Variants in MAST3 observed in about 807,000 individuals in gnomAD.
MAST3 encodes the protein microtubule-associated serine/threonine-protein kinase 3.
In MAST3, 43 loss-of-function variants were observed where a neutral mutation model predicts 127.0. The observed-to-expected ratio is 0.34, with a 90% CI of 0.27 to 0.44. MAST3 has a LOEUF of 0.44. MAST3 is among the 20% of genes least tolerant of loss of function. MAST3 has a pLI of 1.00. For synonymous variants in MAST3, 785 were observed against 809.2 expected (o/e 0.97, Z 0.51); for missense variants, 1,390 against 1,919.1 (o/e 0.72, Z 5.15).
In MAST3 at chr19:18,099,015, A is replaced by G. The variant is rs1425976230; in HGVS notation, c.39+1184A>G. The G allele has an allele frequency of 2.8e-5, 9 of 317,178 alleles. No homozygotes were observed. The Admixed American group carries it at 3.5e-4, about 12-fold the overall frequency. The allele number at this position is 317,178 out of a possible 1,614,324, so 19.6% of individuals were successfully genotyped here. A position where few individuals can be genotyped will look rare whatever the true frequency, so the allele number is the denominator to read the frequency against. ...GCGAGGCATTGCAGCGGGGGGCGGT[A>G]TTTAGGGAAATGAAAGAGGTTGACA... is the stretch of plus-strand genomic sequence containing the variant. On this transcript the variant is annotated intron_variant, in intron 1 of 27. Transcript: ENST00000687212.
At chr19:18,134,781 G>C (rs1374681270) in intron 16 of MAST3, 36 bp from the exon 17 acceptor site, 3 of 1,613,610 alleles carry the variant, frequency 1.9e-6, no homozygotes, top group African/African-American at 2.7e-5. Flanking sequence ...CTTGGGCTGG[G>C]GGCTGGCCTC....
intron 1 of MAST3, among the ~76,000 whole-genome samples, chr19:18,101,778 A>G (rs1256930550): frequency 6.7e-6 from 1 of 149,704 alleles, no homozygotes; most frequent in Non-Finnish European, 1.5e-5. Flanking sequence ...CAGCCTCCTG[A>G]GTAGCTGGAT....
chr19:18,144,005 C>T lies in MAST3; in HGVS notation c.2582C>T (p.Ser861Phe). ...GTGATGCCCAAGCCCTCGAGCCTTT[C>T]TGGTAAGTGGGGCCCTGAGTAAGAG... ...TPVMPKPSSLSADTAALSHAR... is the reference protein window; with the variant it reads ...TPVMPKPSSLFADTAALSHAR... The change falls in exon 22 of 28, where the codon TCT becomes TTT. Residue 861 changes from serine to phenylalanine, a missense_variant and splice_region_variant. Physicochemically the swap from Ser to Phe is radical, Grantham distance 155. Coordinates refer to ENST00000687212, the MANE Select transcript of MAST3 (RefSeq NM_001393504.1). This position sits in a 1 kb window ranked among gnomAD's most constrained non-coding sequence, Gnocchi z 4.0. 1 of 1,561,098 alleles carries T rather than the reference C, an allele frequency of 6.4e-7. No homozygotes were observed.
At chr19:18,106,176 C>T (rs2038056071) in intron 1 of MAST3, among the ~76,000 whole-genome samples, 1 of 152,166 alleles carries the variant, frequency 6.6e-6, no homozygotes, top group African/African-American at 2.4e-5. Flanking sequence ...CAACCTCCAA[C>T]TCCTGGGGTC....
At chr19:18,115,192 G>GAGAA (rs2039084429) in intron 3 of MAST3, among the ~76,000 whole-genome samples, 1 of 152,158 alleles carries the variant, frequency 6.6e-6, no homozygotes, top group African/African-American at 2.4e-5. Context: ...CCAGAGATCA[G>GAGAA]TGGCTCAGCC....
At position 18,134,930 on chromosome 19, in the gene MAST3, C is replaced by G; in HGVS notation, c.1818C>G (p.Cys606Trp). ...GVVLYEFLVG[C>W]VPFFGDTPEE... is the part of the protein sequence containing the mutation. ...TCCTCTATGAGTTTCTGGTGGGCTG[C>G]GTGCCTTTCTTTGGAGATACCCCCG... Residue 606 changes from cysteine (C) to tryptophan (W), a missense_variant, in exon 17 of 28, where the codon TGC becomes TGG. This residue lies in a region of MAST3 where 191 missense variants were observed against 409.0 expected (regional missense o/e 0.47). Transcript: ENST00000687212. 1 of 1,613,866 alleles carries G rather than the reference C, an allele frequency of 6.2e-7. No homozygotes were observed. The highest frequency in any genetic ancestry group is 8.5e-7 in the Non-Finnish European group (1 of 1,179,828).
At chr19:18,141,303 G>A (rs542865577) in intron 20 of MAST3, among the ~76,000 whole-genome samples, 1 of 152,088 alleles carries the variant, frequency 6.6e-6, no homozygotes, top group Admixed American at 6.6e-5. Flanking sequence ...TAGGGATGTG[G>A]GGAGTGAGGA....
At chr19:18,146,153 G>C (rs978210111) in intron 25 of MAST3, among the ~76,000 whole-genome samples, 3 of 152,140 alleles carry the variant, frequency 2.0e-5, no homozygotes, top group Non-Finnish European at 4.4e-5. Context: ...AAGACAGGAG[G>C]AAGGGCCGGG....
At chr19:18,127,745 T>C (rs919489498) in intron 11 of MAST3, among the ~76,000 whole-genome samples, 8 of 151,068 alleles carry the variant, frequency 5.3e-5, no homozygotes, top group African/African-American at 2.0e-4. Flanking sequence ...TGTAATCCCG[T>C]CTACTTGGGA....
intron 20 of MAST3, 84 bp downstream of exon 20, chr19:18,139,208 C>T: frequency 1.8e-6 from 2 of 1,122,482 alleles, no homozygotes; most frequent in Non-Finnish European, 2.6e-6. Flanking sequence ...TTTGATTTTG[C>T]TTTGTTTTGT....
In MAST3 at chr19:18,149,411, G is replaced by C; in HGVS notation, c.3729G>C (p.Leu1243=). The C allele has an allele frequency of 6.8e-7, 1 of 1,465,336 alleles. No individual in the cohort carries two copies. Among genetic ancestry groups the C allele is most frequent in the Non-Finnish European group, 9.0e-7 (1 of 1,116,456 alleles). 90.8% of individuals were successfully genotyped at this position (1,465,336 alleles called of 1,614,324 possible). A position where few individuals can be genotyped will look rare whatever the true frequency, so the allele number is the denominator to read the frequency against. ...CCCCACCCCGCTCGCCCTCGCCCCTGCCCGGGCACCCGCCCGCACCTGCCC... is the reference window on the plus strand; with the variant it reads ...CCCCACCCCGCTCGCCCTCGCCCCTCCCCGGGCACCCGCCCGCACCTGCCC... The part of the protein sequence containing the change: ...SAPPPRSPSP[L]PGHPPAPARS... The change falls in exon 28 of 28, where the codon CTG becomes CTC. Residue 1243 remains leucine (L), a synonymous_variant. Coordinates refer to ENST00000687212, the MANE Select transcript of MAST3 (RefSeq NM_001393504.1). The surrounding 1 kb of genome is among the most constrained non-coding windows in gnomAD (Gnocchi z 5.9).
chr19:18,101,393 G>A (rs549383899), intron 1 of MAST3, among the ~76,000 whole-genome samples: 8 of 117,188 alleles, frequency 6.8e-5, no homozygotes, highest in African/African-American at 2.4e-4. Flanking sequence ...CCTCCTCCTG[G>A]AAGCCCTGGG....
Position 18,144,302 on chromosome 19 carries a change from A to G in MAST3, c.2585-164A>G, listed in dbSNP as rs534592387. ...GAGGAGGGGACTTGAAGACTTTTGC[A>G]TAGAGAATAATTTGGGAAGGGAGTG... On this transcript the variant is annotated intron_variant, in intron 22 of 27. Transcript: ENST00000687212. This position sits in a 1 kb window ranked among gnomAD's most constrained non-coding sequence, Gnocchi z 4.0. 6.6e-6 allele frequency among the ~76,000 whole-genome samples: 1 copy of G among 152,288 alleles called. No individual in the cohort carries two copies. The highest frequency in any genetic ancestry group is 2.4e-5 in the African/African-American group (1 of 41,558).
chr19:18,124,201 G>T, intron 9 of MAST3, 53 bp downstream of exon 9: 1 of 1,589,110 alleles, frequency 6.3e-7, no homozygotes, highest in East Asian at 2.3e-5. Flanking sequence ...CGTGGAGTGA[G>T]GGGGGTCCCC....
chr19:18,134,485 C>T, intron 15 of MAST3, 94 bp from the exon 16 acceptor site: 1 of 1,466,778 alleles, frequency 6.8e-7, no homozygotes, highest in Non-Finnish European at 9.1e-7. Flanking sequence ...AGGCAGAGCT[C>T]TGCCCATCTC....
At chr19:18,135,933 T>A in intron 18 of MAST3, 92 bp downstream of exon 18, 11 of 965,622 alleles carry the variant, frequency 1.1e-5, no homozygotes. Flanking sequence ...AGACAAGAGT[T>A]CTACTTGGGA....
At position 18,135,784 on chromosome 19, in the gene MAST3, G is replaced by A. The variant is rs1464451882; in HGVS notation, c.1915G>A (p.Ala639Thr). 4 of 1,612,178 alleles carry A rather than the reference G, an allele frequency of 2.5e-6. No individual in the cohort carries two copies. The highest frequency in any genetic ancestry group is 1.3e-5 in the African/African-American group (1 of 74,994). The change falls in exon 18 of 28, where the codon GCC becomes ACC. Residue 639 changes from alanine (A) to threonine (T), a missense_variant. Physicochemically the swap from Ala to Thr is moderately conservative, Grantham distance 58. This residue lies in a region of MAST3 where 191 missense variants were observed against 409.0 expected (regional missense o/e 0.47). Transcript: ENST00000687212. ...PEGDEALPADAQDLITRLLRQ... is the reference protein window; with the variant it reads ...PEGDEALPADTQDLITRLLRQ... ...GGGAGATGAGGCCCTTCCAGCAGAC[G>A]CCCAGGACCTCATCACCAGGTTGCT...
rs752550205 is a variant in MAST3 at position 18,149,705 on chromosome 19, C to G, written c.4023C>G (p.Leu1341=). ...GCGAGGAAGCCGTGCCAGTAGCTCT[C>G]GGGCCCACCGGAAGAGACTGATCCC... is the stretch of plus-strand genomic sequence containing the variant. The part of the protein sequence containing the change: ...VEGEEAVPVA[L]GPTGRD The change falls in exon 28 of 28, where the codon CTC becomes CTG. Residue 1341 remains leucine (L), a synonymous_variant. Transcript: ENST00000687212. This position sits in a 1 kb window ranked among gnomAD's most constrained non-coding sequence, Gnocchi z 5.9. 5.6e-6 allele frequency: 9 copies of G among 1,612,654 alleles called. No individual in the cohort carries two copies. In the African/African-American group the frequency reaches 1.2e-4, roughly 22 times the overall value.
At position 18,123,386 on chromosome 19, in the gene MAST3, C is replaced by A; in HGVS notation, c.557+12C>A. ...TCTCGCAGTCTCAGGTGGGCCGCGACCTCTGGCCCCAGCCCCGGCCCCTCC... is the reference window on the plus strand; with the variant it reads ...TCTCGCAGTCTCAGGTGGGCCGCGAACTCTGGCCCCAGCCCCGGCCCCTCC... On this transcript the variant is annotated intron_variant, in intron 7 of 27. Coordinates refer to ENST00000687212, the MANE Select transcript of MAST3 (RefSeq NM_001393504.1). 6.2e-7 allele frequency: 1 copy of A among 1,605,480 alleles called. No individual in the cohort carries two copies. Among genetic ancestry groups the A allele is most frequent in the Non-Finnish European group, 8.5e-7 (1 of 1,176,446 alleles).
Sources: gnomAD v4.1 joint callset for allele counts (sites outside exome capture counted in the v4.1 genomes callset) on GRCh38, gnomAD v4.1.1 for gene constraint, gnomAD v4.1.1 regional missense constraint, Gnocchi (gnomAD v3.1) non-coding constraint, MANE v1.5 for transcripts, NCBI Gene and HGNC (gene_info 2026-07-23, HGNC 2026-07-21) for gene names.